The following CYP7B1 variants were observed in gnomAD, a reference collection of about 807,000 sequenced individuals.
The protein encoded by CYP7B1 is cytochrome P450 7B1.
A neutral mutation model predicts 42.7 loss-of-function variants in CYP7B1; 29 were observed. That is an observed-to-expected ratio of 0.68 (90% CI 0.51 to 0.93). The LOEUF is 0.93. CYP7B1 is among the 40% of genes least tolerant of loss of function. The pLI is 0.00. For synonymous variants in CYP7B1, 235 were observed against 218.2 expected, an observed-to-expected ratio of 1.08 and a Z score of -0.68; for missense variants, 655 against 600.5, an observed-to-expected ratio of 1.09 and a Z score of -0.95.
chr8:64,702,047 C>T (rs553826903), intron 1 of CYP7B1, among the ~76,000 whole-genome samples: 6 of 152,066 alleles, frequency 3.9e-5, no homozygotes, highest in South Asian at 4.1e-4. Context: ...GGAACACGAC[C>T]GGTGCTTTAA....
At chr8:64,710,374 C>A (rs1807063174) in intron 1 of CYP7B1, among the ~76,000 whole-genome samples, 2 of 152,224 alleles carry the variant, frequency 1.3e-5, no homozygotes, top group South Asian at 4.1e-4. Context: ...CCTTTGTTCA[C>A]ATGGTTGCCT....
chr8:64,794,244 C>T (rs913545737), intron 1 of CYP7B1, among the ~76,000 whole-genome samples: 9 of 152,186 alleles, frequency 5.9e-5, no homozygotes, highest in African/African-American at 2.2e-4. Context: ...CCCTCAAATT[C>T]TTGGCCAACC....
At chr8:64,637,266 A>C (rs1805787269) in intron 1 of CYP7B1, among the ~76,000 whole-genome samples, 1 of 152,198 alleles carries the variant, frequency 6.6e-6, no homozygotes, top group African/African-American at 2.4e-5. Flanking sequence ...AGTTTACTGA[A>C]GTGGGAAGAT....
chr8:64,626,261 G>GA (rs1046214353), intron 1 of CYP7B1, among the ~76,000 whole-genome samples: 49 of 151,774 alleles, frequency 3.2e-4, no homozygotes, highest in Non-Finnish European at 3.8e-4. Context: ...TGGACCTAGG[G>GA]AAAAAAAACC....
intron 1 of CYP7B1, among the ~76,000 whole-genome samples, chr8:64,635,574 A>G (rs1008625366): frequency 6.6e-6 from 1 of 152,236 alleles, no homozygotes; most frequent in African/African-American, 2.4e-5. Flanking sequence ...CATTTGACTT[A>G]AAACTTGATT....
At chr8:64,634,418 A>T (rs1047263790) in intron 1 of CYP7B1, among the ~76,000 whole-genome samples, 7 of 143,902 alleles carry the variant, frequency 4.9e-5, no homozygotes, top group Non-Finnish European at 3.1e-5. Context: ...AAAAATACAT[A>T]AAAAAAAAAA....
chr8:64,739,031 A>C (rs1233978804), intron 1 of CYP7B1, among the ~76,000 whole-genome samples: 2 of 152,202 alleles, frequency 1.3e-5, no homozygotes, highest in Non-Finnish European at 2.9e-5. Context: ...TCTGGCAGGC[A>C]GAGGGAAAGA....
At chr8:64,619,432 T>C (rs1805495584) in intron 2 of CYP7B1, among the ~76,000 whole-genome samples, 1 of 152,212 alleles carries the variant, frequency 6.6e-6, no homozygotes, top group Non-Finnish European at 1.5e-5. Flanking sequence ...CTGTCAGCAG[T>C]TGATATGAAA....
At chr8:64,728,678 T>C (rs961350971) in intron 1 of CYP7B1, among the ~76,000 whole-genome samples, 3 of 152,360 alleles carry the variant, frequency 2.0e-5, no homozygotes, top group Admixed American at 2.0e-4. Context: ...GTTGCTATTA[T>C]TGTGTTTATT....
chr8:64,645,821 A>C lies in CYP7B1; in HGVS notation c.123-21282T>G, dbSNP rs552169636. Among the ~76,000 whole-genome samples, 501 of 152,308 alleles carry C rather than the reference A, an allele frequency of 3.3e-3. 8 individuals carry two copies. Among genetic ancestry groups the C allele is most frequent in the African/African-American group, 0.012 (489 of 41,560 alleles). ...TATACTACAAGGCTACAGTAACCAA[A>C]ACACCATGGTACTGGTACCAAAACA... On this transcript the variant is annotated intron_variant, in intron 1 of 5. Coordinates refer to ENST00000310193, the MANE Select transcript of CYP7B1 (RefSeq NM_004820.5).
chr8:64,793,020 G>C (rs768680725), intron 1 of CYP7B1, among the ~76,000 whole-genome samples: 1 of 152,170 alleles, frequency 6.6e-6, no homozygotes, highest in Non-Finnish European at 1.5e-5. Flanking sequence ...ATAAGAGAGA[G>C]GAAGGGTGTC....
chr8:64,714,435 T>C (rs776671468), intron 1 of CYP7B1, among the ~76,000 whole-genome samples: 24 of 152,226 alleles, frequency 1.6e-4, no homozygotes, highest in Non-Finnish European at 2.9e-4. Flanking sequence ...AGGAAAACTG[T>C]GTATCTGGAG....
intron 1 of CYP7B1, among the ~76,000 whole-genome samples, chr8:64,687,049 C>A (rs1264806462): frequency 6.9e-6 from 1 of 145,700 alleles, no homozygotes; most frequent in Non-Finnish European, 1.5e-5. Context: ...ACTTGTTTAT[C>A]TGCTGACCTT....
chr8:64,788,971 A>G (rs1804572632), intron 1 of CYP7B1, among the ~76,000 whole-genome samples: 1 of 152,160 alleles, frequency 6.6e-6, no homozygotes, highest in African/African-American at 2.4e-5. Context: ...CCCAGCCTGG[A>G]GTGCAGTGGT....
At chr8:64,658,180 G>A (rs1421908644) in intron 1 of CYP7B1, among the ~76,000 whole-genome samples, 2 of 152,024 alleles carry the variant, frequency 1.3e-5, no homozygotes, top group East Asian at 1.9e-4. Context: ...TTCAAGATAC[G>A]AATTTAGGGG....
intron 1 of CYP7B1, among the ~76,000 whole-genome samples, chr8:64,787,631 T>C (rs1404154076): frequency 6.6e-6 from 1 of 152,208 alleles, no homozygotes; most frequent in Non-Finnish European, 1.5e-5. Flanking sequence ...TTTTCCTGTA[T>C]TTTTCTGAGC....
intron 1 of CYP7B1, among the ~76,000 whole-genome samples, chr8:64,734,661 C>T (rs1224759780): frequency 1.3e-5 from 2 of 152,278 alleles, no homozygotes; most frequent in East Asian, 1.9e-4. Context: ...AGTGCCTAGT[C>T]CTAGTATCTA....
At chr8:64,700,982 A>G (rs1806907676) in intron 1 of CYP7B1, among the ~76,000 whole-genome samples, 4 of 152,000 alleles carry the variant, frequency 2.6e-5, no homozygotes, top group Admixed American at 2.6e-4. Flanking sequence ...AATGATATCA[A>G]ATCTTTTTTG....
At chr8:64,619,319 T>G (rs1167289032) in intron 2 of CYP7B1, among the ~76,000 whole-genome samples, 1 of 152,190 alleles carries the variant, frequency 6.6e-6, no homozygotes, top group African/African-American at 2.4e-5. Context: ...AGGGTGATTT[T>G]ATGTAAATGA....
Sources: gnomAD v4.1 joint callset for allele counts (sites outside exome capture counted in the v4.1 genomes callset) on GRCh38, gnomAD v4.1.1 for gene constraint, MANE v1.5 for transcripts, NCBI Gene and HGNC (gene_info 2026-07-23, HGNC 2026-07-21) for gene names.